Variants in ADK observed in about 807,000 individuals in gnomAD.
ADK encodes N6,N6-dimethyladenosine kinase.
A neutral mutation model predicts 44.7 loss-of-function variants in ADK; 24 were observed. The ratio of observed to expected loss-of-function variants is 0.54; its 90% CI spans 0.39 to 0.76. The LOEUF is 0.76. ADK is among the 30% of genes least tolerant of loss of function. The pLI is 0.00. For synonymous variants in ADK, 128 were observed against 142.6 expected, an observed-to-expected ratio of 0.90 and a Z score of 0.73; for missense variants, 321 against 425.1, an observed-to-expected ratio of 0.76 and a Z score of 2.15.
intron 2 of ADK, among the ~76,000 whole-genome samples, chr10:74,214,008 A>C (rs1843926753): frequency 6.6e-6 from 1 of 152,240 alleles, no homozygotes; most frequent in Non-Finnish European, 1.5e-5. Context: ...TTAAGAATAC[A>C]AAGAGTATAG....
intron 3 of ADK, among the ~76,000 whole-genome samples, chr10:74,280,679 T>C (rs1846901503): frequency 6.6e-6 from 1 of 152,234 alleles, no homozygotes; most frequent in African/African-American, 2.4e-5. Flanking sequence ...TTCTCACTGC[T>C]GTTTATAATT....
intron 6 of ADK, among the ~76,000 whole-genome samples, chr10:74,515,628 C>A (rs1848538502): frequency 6.6e-6 from 1 of 152,132 alleles, no homozygotes; most frequent in Non-Finnish European, 1.5e-5. Flanking sequence ...CAAGGGCGTG[C>A]CTATGGGGGA....
At chr10:74,473,193 GACACACACAC>G (rs74890577) in intron 6 of ADK, among the ~76,000 whole-genome samples, 5 of 149,648 alleles carry the variant, frequency 3.3e-5, no homozygotes, top group South Asian at 2.1e-4. Context: ...TATACACACA[GACACACACAC>G]ACACACACAC....
rs1406579748 is a variant in ADK at position 74,234,124 on chromosome 10, G to A, written c.194+9533G>A. 3.3e-5 allele frequency among the ~76,000 whole-genome samples: 5 copies of A among 152,206 alleles called. No individual in the cohort carries two copies. In the South Asian group the frequency reaches 6.2e-4, roughly 19 times the overall value. On this transcript the variant is annotated intron_variant, in intron 3 of 10. Coordinates refer to ENST00000539909, the MANE Select transcript of ADK (RefSeq NM_006721.4). ...CCAACACTATTTCCCCTTAAGGGTT[G>A]AGTCAGACCTTTTGGGAATGATATA...
intron 7 of ADK, among the ~76,000 whole-genome samples, chr10:74,586,213 C>G (rs1851520333): frequency 6.6e-6 from 1 of 152,136 alleles, no homozygotes; most frequent in Non-Finnish European, 1.5e-5. Context: ...AGCCAGCTGC[C>G]TTCTCTAATG....
At chr10:74,247,208 AT>A (rs1213270324) in intron 3 of ADK, among the ~76,000 whole-genome samples, 157 of 59,278 alleles carry the variant, frequency 2.6e-3, no homozygotes, top group African/African-American at 5.4e-3. Flanking sequence ...GCTTTTTTTG[AT>A]TTTTTTTTTT....
chr10:74,472,822 T>C (rs574530957), intron 6 of ADK, among the ~76,000 whole-genome samples: 2 of 152,294 alleles, frequency 1.3e-5, no homozygotes, highest in South Asian at 2.1e-4. Context: ...CAGTGTTTTT[T>C]CCATACTCTA....
At chr10:74,162,566 A>T in intron 1 of ADK, among the ~76,000 whole-genome samples, 1 of 144,676 alleles carries the variant, frequency 6.9e-6, no homozygotes, top group African/African-American at 2.8e-5. Flanking sequence ...TGTGTGTGAG[A>T]CAGAGTCTCA....
intron 3 of ADK, among the ~76,000 whole-genome samples, chr10:74,227,986 G>C (rs1468866239): frequency 6.6e-6 from 1 of 152,114 alleles, no homozygotes; most frequent in Non-Finnish European, 1.5e-5. Context: ...CTCTGGACTG[G>C]ACAGCAGAGT....
At chr10:74,417,288 T>G in intron 6 of ADK, among the ~76,000 whole-genome samples, 1 of 152,188 alleles carries the variant, frequency 6.6e-6, no homozygotes, top group South Asian at 2.1e-4. Flanking sequence ...TTTCAAAAAC[T>G]GTACATTTTA....
intron 1 of ADK, among the ~76,000 whole-genome samples, chr10:74,190,981 C>CTTT (rs61491732): frequency 1.5e-4 from 20 of 134,946 alleles, no homozygotes; most frequent in African/African-American, 2.2e-4. Flanking sequence ...CTATTTTTGA[C>CTTT]TTTTTTTTTT....
chr10:74,543,197 G>A (rs904378220), intron 7 of ADK, among the ~76,000 whole-genome samples: 2 of 149,298 alleles, frequency 1.3e-5, no homozygotes, highest in Non-Finnish European at 3.0e-5. Flanking sequence ...ACAGCGCCTG[G>A]CCTATTTCAT....
At chr10:74,435,226 T>A (rs1367905017) in intron 6 of ADK, among the ~76,000 whole-genome samples, 3 of 152,204 alleles carry the variant, frequency 2.0e-5, no homozygotes, top group Non-Finnish European at 4.4e-5. Context: ...GGAATTGAGA[T>A]CAAAGGTTTA....
intron 4 of ADK, among the ~76,000 whole-genome samples, chr10:74,389,903 T>C (rs1226534153): frequency 6.6e-6 from 1 of 152,150 alleles, no homozygotes; most frequent in Admixed American, 6.5e-5. Context: ...TGAGTTGATA[T>C]AGCTCTTATT....
At chr10:74,640,778 C>G (rs554279493) in intron 9 of ADK, among the ~76,000 whole-genome samples, 28 of 152,180 alleles carry the variant, frequency 1.8e-4, no homozygotes, top group Non-Finnish European at 3.8e-4. Flanking sequence ...AGGCAGCTAG[C>G]CAGATTTGGC....
rs371240647 is a variant in ADK, at chr10:74,690,984, G to A, written c.965-17337G>A. Among the ~76,000 whole-genome samples the A allele has an allele frequency of 8.5e-5, 13 of 152,282 alleles. No individual in the cohort carries two copies. In the East Asian group the frequency reaches 2.3e-3, roughly 27 times the overall value. On this transcript the variant is annotated intron_variant, in intron 10 of 10. Transcript: ENST00000539909. Reference sequence around the variant, plus strand: ...TCATGGCATGAGTCTAGTAAACTGAGGATTCAGATCAGTCAAAGTTATAAT... The same window carrying A: ...TCATGGCATGAGTCTAGTAAACTGAAGATTCAGATCAGTCAAAGTTATAAT...
rs575724700 is a variant in ADK, at chr10:74,319,868, C to T, written c.273+5123C>T. Reference sequence around the variant, plus strand: ...ATACAAACACTCTGCTCCTTTACATCTCCATCCTCTTCTTATATATTATTA... The same window carrying T: ...ATACAAACACTCTGCTCCTTTACATTTCCATCCTCTTCTTATATATTATTA... On this transcript the variant is annotated intron_variant, in intron 4 of 10. Transcript: ENST00000539909. Among the ~76,000 whole-genome samples, 12 of 152,232 alleles carry T rather than the reference C, an allele frequency of 7.9e-5. No individual in the cohort carries two copies. In the East Asian group the frequency reaches 2.3e-3, roughly 29 times the overall value.
chr10:74,595,032 C>A (rs1851853925), intron 8 of ADK, among the ~76,000 whole-genome samples: 1 of 151,916 alleles, frequency 6.6e-6, no homozygotes, highest in Admixed American at 6.6e-5. Context: ...AAAAAAATAG[C>A]CAGGTATGGT....
chr10:74,193,454 C>T (rs751930885), intron 1 of ADK, among the ~76,000 whole-genome samples: 33 of 151,242 alleles, frequency 2.2e-4, no homozygotes, highest in Admixed American at 8.6e-4. Context: ...TGTCTTTTTG[C>T]TAACTTTTTA....
Sources: gnomAD v4.1 joint callset for allele counts (sites outside exome capture counted in the v4.1 genomes callset) on GRCh38, gnomAD v4.1.1 for gene constraint, MANE v1.5 for transcripts, NCBI Gene and HGNC (gene_info 2026-07-23, HGNC 2026-07-21) for gene names.